The following PIWIL2 variants were observed in gnomAD, a reference collection of about 807,000 sequenced individuals.
PIWIL2 encodes the protein piwi-like protein 2.
In PIWIL2, 81 loss-of-function variants were observed where a neutral mutation model predicts 116.5. The ratio of observed to expected loss-of-function variants is 0.70; its 90% CI spans 0.58 to 0.84. The LOEUF (loss-of-function observed/expected upper bound fraction) is 0.84. Among genes scored for constraint, PIWIL2 ranks in the 40% least tolerant of loss-of-function variants. PIWIL2 has a pLI of 0.00. For missense variants in PIWIL2, 1,272 were observed against 1,212.3 expected (o/e 1.05, Z -0.73); for synonymous variants, 489 against 429.5 (o/e 1.14, Z -1.71).
At chr8:22,321,884 C>T in intron 20 of PIWIL2, 1 of 985,168 alleles carries the variant, frequency 1.0e-6, no homozygotes. Context: ...CACCTCCGAA[C>T]AGTTGCCGCC....
chr8:22,310,115 C>A, intron 15 of PIWIL2, 41 bp downstream of exon 15: 1 of 1,062,176 alleles, frequency 9.4e-7, no homozygotes, highest in South Asian at 1.3e-5. Flanking sequence ...ACCAGTATTC[C>A]CCAAAGTGTG....
At chr8:22,354,221 C>T in intron 21 of PIWIL2, 50 bp from the exon 22 acceptor site, 1 of 1,218,258 alleles carries the variant, frequency 8.2e-7, no homozygotes, top group South Asian at 1.2e-5. Flanking sequence ...TTTGCCAGCT[C>T]TGTCTGGCTG....
At chr8:22,334,982 G>C (rs1378567768) in intron 20 of PIWIL2, among the ~76,000 whole-genome samples, 1 of 151,170 alleles carries the variant, frequency 6.6e-6, no homozygotes, top group African/African-American at 2.4e-5. Flanking sequence ...TTGAACCCAG[G>C]AGATGGAGGT....
intron 10 of PIWIL2, among the ~76,000 whole-genome samples, chr8:22,294,712 C>G (rs1022089236): frequency 6.8e-6 from 1 of 147,804 alleles, no homozygotes; most frequent in African/African-American, 2.5e-5. Flanking sequence ...ACTAGGGAGA[C>G]TGTTCAATGA....
intron 20 of PIWIL2, among the ~76,000 whole-genome samples, chr8:22,318,982 T>C (rs1831532493): frequency 1.3e-5 from 2 of 152,190 alleles, no homozygotes; most frequent in Non-Finnish European, 1.5e-5. Flanking sequence ...AAATGCCTCC[T>C]TATAAATCAC....
chr8:22,295,001 C>A (rs1830862745), intron 10 of PIWIL2, among the ~76,000 whole-genome samples: 1 of 150,928 alleles, frequency 6.6e-6, no homozygotes. Flanking sequence ...ATGGCTTGAA[C>A]CTGGGAGGTG....
intron 9 of PIWIL2, 97 bp from the exon 10 acceptor site, chr8:22,290,136 G>A (rs1830725701): frequency 5.3e-6 from 4 of 751,578 alleles, no homozygotes; most frequent in African/African-American, 1.7e-5. Flanking sequence ...TTACTATTAG[G>A]GAAGGGCAGT....
At chr8:22,304,242 G>A in intron 11 of PIWIL2, 33 bp downstream of exon 11, 1 of 1,492,556 alleles carries the variant, frequency 6.7e-7, no homozygotes, top group Non-Finnish European at 9.3e-7. Flanking sequence ...GGGCCTCAGG[G>A]TGGGGGTTGG....
At chr8:22,352,935 A>T in intron 20 of PIWIL2, 24 bp from the exon 21 acceptor site, 1 of 1,595,934 alleles carries the variant, frequency 6.3e-7, no homozygotes, top group Non-Finnish European at 8.6e-7. Flanking sequence ...TCTGTGAGTC[A>T]CCACATCCTC....
At chr8:22,331,836 C>T (rs1004553625) in intron 20 of PIWIL2, among the ~76,000 whole-genome samples, 2 of 151,928 alleles carry the variant, frequency 1.3e-5, no homozygotes, top group Non-Finnish European at 2.9e-5. Context: ...TAGGGCCCAC[C>T]CCCATGACCT....
At chr8:22,301,101 TC>T (rs1405923693) in intron 10 of PIWIL2, among the ~76,000 whole-genome samples, 1 of 151,838 alleles carries the variant, frequency 6.6e-6, no homozygotes, top group East Asian at 1.9e-4. Flanking sequence ...CACCTCACCC[TC>T]CTGAGTAGCT....
rs1831133388 is a variant in PIWIL2 at position 22,304,709 on chromosome 8, A to G, written c.1371-75A>G. 4.8e-6 allele frequency: 4 copies of G among 836,698 alleles called. No homozygotes were observed. In the Admixed American group the frequency reaches 5.3e-5, roughly 11 times the overall value. 51.8% of individuals were successfully genotyped at this position (836,698 alleles called of 1,614,324 possible). Reference sequence around the variant, plus strand: ...AAATTATATACCTCAGTCCTGGTTAAGAGACTCAGACTATGGTGCTCTAAG... The same window carrying G: ...AAATTATATACCTCAGTCCTGGTTAGGAGACTCAGACTATGGTGCTCTAAG... On this transcript the variant is annotated intron_variant, in intron 11 of 22. Transcript: ENST00000356766.
Position 22,309,889 on chromosome 8 carries a change from A to G in PIWIL2, c.1687-72A>G, listed in dbSNP as rs1831283733. The G allele has an allele frequency of 1.2e-5, 10 of 847,560 alleles. 1 individual carries two copies. In the South Asian group the frequency reaches 1.5e-4, roughly 13 times the overall value. 52.5% of individuals were successfully genotyped at this position (847,560 alleles called of 1,614,324 possible). ...TGTGGTGGAGCTGAGCAGGCCTTAT[A>G]GAGCAGTAGCAGTGTTTTTCTAAAT... On this transcript the variant is annotated intron_variant, in intron 14 of 22. Transcript: ENST00000356766.
At chr8:22,313,219 C>G (rs142589162) in intron 16 of PIWIL2, among the ~76,000 whole-genome samples, 9 of 152,120 alleles carry the variant, frequency 5.9e-5, no homozygotes, top group African/African-American at 2.2e-4. Flanking sequence ...CCATTATCAT[C>G]TCTATGAGGA....
chr8:22,334,534 AAAAG>A (rs1831936294), intron 20 of PIWIL2, among the ~76,000 whole-genome samples: 1 of 146,210 alleles, frequency 6.8e-6, no homozygotes, highest in African/African-American at 2.5e-5. Context: ...AAAAAAAAAG[AAAAG>A]AAAATACAAA....
intron 12 of PIWIL2, among the ~76,000 whole-genome samples, chr8:22,305,551 C>T (rs1363904342): frequency 6.6e-6 from 1 of 152,150 alleles, no homozygotes; most frequent in African/African-American, 2.4e-5. Flanking sequence ...CCTGACTCCT[C>T]TGTCTTAAAT....
At chr8:22,314,913 G>A in intron 17 of PIWIL2, 116 bp from the exon 18 acceptor site, 1 of 686,656 alleles carries the variant, frequency 1.5e-6, no homozygotes, top group Non-Finnish European at 2.6e-6. Context: ...TGCGAAATGT[G>A]TTATCTTCTA....
At position 22,318,299 on chromosome 8, in the gene PIWIL2, G is replaced by A. The variant is rs985882266; in HGVS notation, c.2403+24G>A. On this transcript the variant is annotated intron_variant, in intron 20 of 22. Coordinates refer to ENST00000356766, the MANE Select transcript of PIWIL2 (RefSeq NM_018068.5). ...AGGTGAGGAGAACAGAAATTCTCAG[G>A]CTTCTGGGGTTTTTTGTTTTTTTAT... 2.3e-6 allele frequency: 3 copies of A among 1,294,636 alleles called. No homozygotes were observed. In the African/African-American group the frequency reaches 4.5e-5, roughly 19 times the overall value. 80.2% of individuals were successfully genotyped at this position (1,294,636 alleles called of 1,614,324 possible).
chr8:22,331,187 A>T (rs1831854483), intron 20 of PIWIL2, among the ~76,000 whole-genome samples: 2 of 151,958 alleles, frequency 1.3e-5, no homozygotes, highest in Non-Finnish European at 2.9e-5. Context: ...AAAAAATAAA[A>T]ATAAAAAATA....
Sources: allele counts gnomAD v4.1 joint callset (sites outside exome capture counted in the v4.1 genomes callset), GRCh38; gene constraint gnomAD v4.1.1; transcripts MANE v1.5; gene names NCBI Gene and HGNC (gene_info 2026-07-23, HGNC 2026-07-21).